Variants in ADAM18 observed in about 807,000 individuals in gnomAD.
ADAM18 encodes disintegrin and metalloproteinase domain-containing protein 18.
ADAM18 carries 117 observed loss-of-function variants against 94.4 expected under a neutral mutation model. The ratio of observed to expected loss-of-function variants is 1.24; its 90% CI spans 1.07 to 1.45. ADAM18 has a LOEUF of 1.45. ADAM18 is among the 40% of genes most tolerant of loss of function. The probability of loss-of-function intolerance (pLI) is 0.00; values close to 1 mark genes in which losing one functional copy is unlikely to be tolerated. For missense variants in ADAM18, 936 were observed against 880.0 expected (o/e 1.06, Z -0.81); for synonymous variants, 327 against 291.6 (o/e 1.12, Z -1.24).
chr8:39,677,029 A>G (rs551545357), intron 14 of ADAM18, among the ~76,000 whole-genome samples: 1 of 152,296 alleles, frequency 6.6e-6, no homozygotes, highest in Non-Finnish European at 1.5e-5. Context: ...CCAAATAAAC[A>G]CATGTGCTAC....
intron 10 of ADAM18, among the ~76,000 whole-genome samples, chr8:39,641,064 T>A (rs990174768): frequency 6.6e-6 from 1 of 152,172 alleles, no homozygotes; most frequent in Admixed American, 6.6e-5. Context: ...TTTTGGCATC[T>A]TTTTCATGAA....
At chr8:39,691,411 T>C (rs1488813772) in intron 16 of ADAM18, among the ~76,000 whole-genome samples, 1 of 152,124 alleles carries the variant, frequency 6.6e-6, no homozygotes, top group Non-Finnish European at 1.5e-5. Context: ...GAAAACAGTA[T>C]GGTGTTTCTT....
intron 16 of ADAM18, among the ~76,000 whole-genome samples, chr8:39,684,164 A>G (rs145984529): frequency 6.6e-6 from 1 of 152,252 alleles, no homozygotes; most frequent in African/African-American, 2.4e-5. Context: ...AAATAGATAA[A>G]TAAGTAAATA....
intron 12 of ADAM18, among the ~76,000 whole-genome samples, chr8:39,659,649 A>C (rs546101170): frequency 6.6e-6 from 1 of 152,246 alleles, no homozygotes; most frequent in South Asian, 2.1e-4. Flanking sequence ...TCCATAGTTC[A>C]TAAGGCTTTA....
rs151296082 is a variant in ADAM18, at chr8:39,647,775, A to G, written c.1047-569A>G. Among the ~76,000 whole-genome samples, 400 of 152,308 alleles carry G rather than the reference A, an allele frequency of 2.6e-3. 5 individuals carry two copies. The East Asian group carries it at 0.044, about 17-fold the overall frequency. Reference sequence around the variant, plus strand: ...ACTGCTTGTAAACATTTTGTTAACAAGGCACGTCCTGCACAGCCCTAGATT... The same window carrying G: ...ACTGCTTGTAAACATTTTGTTAACAGGGCACGTCCTGCACAGCCCTAGATT... On this transcript the variant is annotated intron_variant, in intron 11 of 19. Transcript: ENST00000265707.
chr8:39,628,683 A>G (rs141019432), intron 6 of ADAM18, among the ~76,000 whole-genome samples: 3 of 152,076 alleles, frequency 2.0e-5, no homozygotes, highest in African/African-American at 2.4e-5. Flanking sequence ...TGAAGTTTCT[A>G]TATGTGAGAA....
rs377707835 is a variant in ADAM18 at position 39,637,740 on chromosome 8, A to G, written c.827+37A>G. ...GTTCTACATTAATAAAGATATCTGCATAATTATTTTAAATTGGTAATTTAG... is the reference window on the plus strand; with the variant it reads ...GTTCTACATTAATAAAGATATCTGCGTAATTATTTTAAATTGGTAATTTAG... On this transcript the variant is annotated intron_variant, in intron 9 of 19. Coordinates refer to ENST00000265707, the MANE Select transcript of ADAM18 (RefSeq NM_014237.3). The G allele has an allele frequency of 1.7e-5, 25 of 1,448,722 alleles. No homozygotes were observed. In the African/African-American group the frequency reaches 3.2e-4, roughly 19 times the overall value. The allele number at this position is 1,448,722 out of a possible 1,614,324, so 89.7% of individuals were successfully genotyped here. A position where few individuals can be genotyped will look rare whatever the true frequency, so the allele number is the denominator to read the frequency against.
intron 2 of ADAM18, among the ~76,000 whole-genome samples, chr8:39,595,883 T>C (rs571601627): frequency 6.6e-5 from 10 of 152,170 alleles, no homozygotes; most frequent in Non-Finnish European, 1.5e-4. Flanking sequence ...TGTTTCCATT[T>C]CTCCAAAATT....
intron 17 of ADAM18, among the ~76,000 whole-genome samples, chr8:39,704,358 C>T (rs530640623): frequency 9.7e-4 from 148 of 152,176 alleles, no homozygotes; most frequent in Non-Finnish European, 1.7e-3. Flanking sequence ...AGATTATCCA[C>T]CACAATCAGA....
intron 16 of ADAM18, among the ~76,000 whole-genome samples, chr8:39,683,778 C>A (rs535553313): frequency 3.3e-5 from 5 of 152,112 alleles, no homozygotes; most frequent in Non-Finnish European, 7.4e-5. Context: ...TTTAATTGTT[C>A]TTTAAATATC....
At chr8:39,653,891 A>G (rs1004723914) in intron 12 of ADAM18, among the ~76,000 whole-genome samples, 2 of 152,116 alleles carry the variant, frequency 1.3e-5, no homozygotes, top group Non-Finnish European at 2.9e-5. Flanking sequence ...ACTATAATTT[A>G]CTTATTGTGC....
chr8:39,681,924 A>G (rs1345994586), intron 16 of ADAM18, among the ~76,000 whole-genome samples: 1 of 152,184 alleles, frequency 6.6e-6, no homozygotes, highest in Admixed American at 6.5e-5. Flanking sequence ...AAAGAAATTG[A>G]AGGAACTGTT....
chr8:39,661,051 G>C (rs1200330612), intron 12 of ADAM18, among the ~76,000 whole-genome samples: 1 of 150,830 alleles, frequency 6.6e-6, no homozygotes, highest in Admixed American at 6.6e-5. Context: ...TGGGATTCTA[G>C]AATTTTGGTT....
intron 16 of ADAM18, chr8:39,685,243 C>T (rs191105151): frequency 6.6e-6 from 1 of 152,356 alleles, no homozygotes; most frequent in Non-Finnish European, 1.5e-5. Context: ...CATTCTGGGC[C>T]CTTGTAAAGA....
At chr8:39,656,886 G>A (rs1158633308) in intron 12 of ADAM18, among the ~76,000 whole-genome samples, 1 of 152,080 alleles carries the variant, frequency 6.6e-6, no homozygotes, top group Non-Finnish European at 1.5e-5. Flanking sequence ...TCAGAATGGC[G>A]AAAAAGAAAA....
intron 3 of ADAM18, among the ~76,000 whole-genome samples, chr8:39,607,922 C>T (rs1335426152): frequency 1.3e-5 from 2 of 151,846 alleles, no homozygotes; most frequent in Non-Finnish European, 2.9e-5. Context: ...CTACCTTATT[C>T]CTCTTAAATA....
rs1315733465 is a variant in ADAM18 at position 39,645,249 on chromosome 8, A to T, written c.910-89A>T. On this transcript the variant is annotated intron_variant, in intron 10 of 19. Coordinates refer to ENST00000265707, the MANE Select transcript of ADAM18 (RefSeq NM_014237.3). Reference sequence around the variant, plus strand: ...TATGCTTAACATAAGAAGTATTAAAATAGAAAATATGATAGGAGTAAAAAT... The same window carrying T: ...TATGCTTAACATAAGAAGTATTAAATTAGAAAATATGATAGGAGTAAAAAT... The T allele has an allele frequency of 6.9e-6, 8 of 1,160,344 alleles. No homozygotes were observed. In the African/African-American group the frequency reaches 1.3e-4, roughly 18 times the overall value. 71.9% of individuals were successfully genotyped at this position (1,160,344 alleles called of 1,614,324 possible).
At position 39,584,599 on chromosome 8, in the gene ADAM18, T is replaced by C; in HGVS notation, c.-24T>C. On this transcript the variant is annotated 5_prime_UTR_variant, in exon 1 of 20. Coordinates refer to ENST00000265707, the MANE Select transcript of ADAM18 (RefSeq NM_014237.3). ...GCTCAACGGTCTCTGTCCTTGGCTG[T>C]GGCTCCTGCGCTCTGGCTGAGCCAT... 6.2e-7 allele frequency: 1 copy of C among 1,611,678 alleles called. No homozygotes were observed. Among genetic ancestry groups the C allele is most frequent in the South Asian group, 1.1e-5 (1 of 91,088 alleles).
chr8:39,592,701 G>A (rs952762271), intron 2 of ADAM18, among the ~76,000 whole-genome samples: 2 of 152,256 alleles, frequency 1.3e-5, no homozygotes, highest in African/African-American at 4.8e-5. Flanking sequence ...AATGGGGGAT[G>A]GGGACAGAAT....
Sources: allele counts gnomAD v4.1 joint callset (sites outside exome capture counted in the v4.1 genomes callset), GRCh38; gene constraint gnomAD v4.1.1; transcripts MANE v1.5; gene names NCBI Gene and HGNC (gene_info 2026-07-23, HGNC 2026-07-21).